The following AMBRA1 variants were observed in gnomAD, a reference collection of about 807,000 sequenced individuals.
AMBRA1 encodes activating molecule in BECN1-regulated autophagy protein 1.
Under a neutral mutation model 125.4 loss-of-function variants are expected in AMBRA1, and 47 were observed. The ratio of observed to expected loss-of-function variants is 0.37; its 90% CI spans 0.30 to 0.48. The LOEUF (loss-of-function observed/expected upper bound fraction) is 0.48, where lower values mean the gene tolerates loss of function less well. Among genes scored for constraint, AMBRA1 ranks in the 20% least tolerant of loss-of-function variants. The probability of loss-of-function intolerance (pLI) is 0.99; values close to 1 mark genes in which losing one functional copy is unlikely to be tolerated. For synonymous variants in AMBRA1, 626 were observed against 655.5 expected, an observed-to-expected ratio of 0.95 and a Z score of 0.69; for missense variants, 1,331 against 1,693.4, an observed-to-expected ratio of 0.79 and a Z score of 3.76.
rs150828165 is a variant in AMBRA1, at chr11:46,476,058, G to A, written c.2521+17550C>T. On this transcript the variant is annotated intron_variant, in intron 11 of 17. Coordinates refer to ENST00000683756, the MANE Select transcript of AMBRA1 (RefSeq NM_001387011.1). ...CTAATATCACAAAGGAAAAGGTGGA[G>A]AGCTGCACTCAGTGCCTGAAAACAA... is the stretch of plus-strand genomic sequence containing the variant. 3.2e-3 allele frequency among the ~76,000 whole-genome samples: 488 copies of A among 152,294 alleles called. 2 individuals carry two copies. The highest frequency in any genetic ancestry group is 0.012 in the African/African-American group (479 of 41,562).
At chr11:46,500,321 T>C (rs560039186) in intron 9 of AMBRA1, among the ~76,000 whole-genome samples, 1 of 152,298 alleles carries the variant, frequency 6.6e-6, no homozygotes, top group South Asian at 2.1e-4. Flanking sequence ...TGGCTGTGCT[T>C]TCAGGAAGCT....
chr11:46,480,534 C>G (rs988691715), intron 11 of AMBRA1, among the ~76,000 whole-genome samples: 2 of 152,198 alleles, frequency 1.3e-5, no homozygotes, highest in African/African-American at 4.8e-5. Context: ...CCAATACATG[C>G]GTCTTTTCCT....
At chr11:46,439,574 TAA>T (rs1229169698) in intron 12 of AMBRA1, among the ~76,000 whole-genome samples, 7 of 152,064 alleles carry the variant, frequency 4.6e-5, no homozygotes, top group Non-Finnish European at 7.4e-5. Context: ...AACTAAAATA[TAA>T]AAGTTATAAA....
intron 1 of AMBRA1, among the ~76,000 whole-genome samples, chr11:46,556,351 TAC>T (rs1000627020): frequency 6.6e-6 from 1 of 152,136 alleles, no homozygotes; most frequent in African/African-American, 2.4e-5. Flanking sequence ...TTTACAGGGG[TAC>T]AGAGAATGTG....
At chr11:46,414,394 C>T (rs1455444289) in intron 15 of AMBRA1, among the ~76,000 whole-genome samples, 1 of 152,202 alleles carries the variant, frequency 6.6e-6, no homozygotes, top group Non-Finnish European at 1.5e-5. Context: ...ACCATGATTA[C>T]AGAAGGGACA....
intron 1 of AMBRA1, among the ~76,000 whole-genome samples, chr11:46,567,157 C>T (rs2043562546): frequency 6.6e-6 from 1 of 152,150 alleles, no homozygotes; most frequent in Non-Finnish European, 1.5e-5. Flanking sequence ...CTGCAGCCTC[C>T]GCTTTCCGGA....
Position 46,426,870 on chromosome 11 carries a change from A to G in AMBRA1, c.2976+6604T>C, listed in dbSNP as rs1385746313. On this transcript the variant is annotated intron_variant, in intron 14 of 17. Coordinates refer to ENST00000683756, the MANE Select transcript of AMBRA1 (RefSeq NM_001387011.1). The stretch of plus-strand genomic sequence containing the variant: ...ACAAAGCCATCTGTCTTTTATCCCA[A>G]TCTCCCCTTGAAGAAATAGTACCCT... 2.6e-5 allele frequency among the ~76,000 whole-genome samples: 4 copies of G among 152,218 alleles called. No individual in the cohort carries two copies. The South Asian group carries it at 6.2e-4, about 24-fold the overall frequency.
chr11:46,528,729 T>C (rs1195873634), intron 7 of AMBRA1, among the ~76,000 whole-genome samples: 1 of 152,224 alleles, frequency 6.6e-6, no homozygotes, highest in Admixed American at 6.5e-5. Context: ...CTGTACACTT[T>C]TAAAATTATT....
chr11:46,410,627 C>T (rs79928554), intron 15 of AMBRA1, among the ~76,000 whole-genome samples: 3,264 of 152,316 alleles, frequency 0.021, 113 homozygotes, highest in African/African-American at 0.074. Flanking sequence ...CTAACCGGCT[C>T]CTCCTCGGAG....
chr11:46,498,744 G>C (rs910876645), intron 9 of AMBRA1, among the ~76,000 whole-genome samples: 8 of 152,078 alleles, frequency 5.3e-5, no homozygotes, highest in African/African-American at 1.9e-4. Flanking sequence ...CTCTGACTTG[G>C]GCCTTTATAA....
chr11:46,560,994 AT>A (rs1296605239), intron 1 of AMBRA1, among the ~76,000 whole-genome samples: 1 of 152,166 alleles, frequency 6.6e-6, no homozygotes, highest in Non-Finnish European at 1.5e-5. Flanking sequence ...ACATCTTTCT[AT>A]TCTCTGCATA....
chr11:46,483,387 G>A (rs895414924), intron 11 of AMBRA1, among the ~76,000 whole-genome samples: 1 of 152,162 alleles, frequency 6.6e-6, no homozygotes, highest in African/African-American at 2.4e-5. Flanking sequence ...TTCAACCTGA[G>A]TGGCATGAGG....
At chr11:46,456,601 A>G (rs1948854921) in intron 11 of AMBRA1, among the ~76,000 whole-genome samples, 1 of 152,220 alleles carries the variant, frequency 6.6e-6, no homozygotes. Context: ...AATGGCTCTC[A>G]CCAATCACTT....
At chr11:46,434,630 C>T (rs535985197) in intron 13 of AMBRA1, among the ~76,000 whole-genome samples, 2 of 152,296 alleles carry the variant, frequency 1.3e-5, no homozygotes, top group East Asian at 1.9e-4. Flanking sequence ...TATTCCTGAC[C>T]GTCGTAACAG....
chr11:46,464,769 G>A (rs1202634262), intron 11 of AMBRA1, among the ~76,000 whole-genome samples: 1 of 151,674 alleles, frequency 6.6e-6, no homozygotes. Flanking sequence ...AGACAAGGCC[G>A]GGCGCAGTGG....
At chr11:46,418,553 C>G (rs1372638112) in intron 14 of AMBRA1, among the ~76,000 whole-genome samples, 1 of 151,660 alleles carries the variant, frequency 6.6e-6, no homozygotes, top group African/African-American at 2.4e-5. Flanking sequence ...CTCCCCACTC[C>G]CCCTACCCCA....
At chr11:46,465,482 T>C (rs754759876) in intron 11 of AMBRA1, among the ~76,000 whole-genome samples, 1 of 152,190 alleles carries the variant, frequency 6.6e-6, no homozygotes, top group Non-Finnish European at 1.5e-5. Flanking sequence ...GTTTTTACCA[T>C]ATTTTCTCAG....
At position 46,524,861 on chromosome 11, in the gene AMBRA1, C is replaced by T. The variant is rs534794691; in HGVS notation, c.2073-12048G>A. ...AAGGTATAAACAGGGGTACCTGAGC[C>T]GTGAGAATCACATGCACCCCATCCA... is the stretch of plus-strand genomic sequence containing the variant. On this transcript the variant is annotated intron_variant, in intron 7 of 17. Coordinates refer to ENST00000683756, the MANE Select transcript of AMBRA1 (RefSeq NM_001387011.1). Among the ~76,000 whole-genome samples the T allele has an allele frequency of 6.5e-4, 99 of 152,332 alleles. 2 individuals carry two copies. In the South Asian group the frequency reaches 0.02, roughly 30 times the overall value.
chr11:46,544,980 A>T (rs1341529540), intron 5 of AMBRA1, among the ~76,000 whole-genome samples: 1 of 151,950 alleles, frequency 6.6e-6, no homozygotes, highest in Admixed American at 6.6e-5. Flanking sequence ...TTTAAAAATT[A>T]GCTGAGAGAG....
Sources: allele counts gnomAD v4.1 joint callset (sites outside exome capture counted in the v4.1 genomes callset), GRCh38; gene constraint gnomAD v4.1.1; transcripts MANE v1.5; gene names NCBI Gene and HGNC (gene_info 2026-07-23, HGNC 2026-07-21).